GTF2IRD1: variants seen among roughly 807,000 people sequenced by gnomAD.
GTF2IRD1 encodes the protein GTF2I repeat domain containing 1, also known as general transcription factor II-I repeat domain-containing protein 1.
In GTF2IRD1, 26 loss-of-function variants were observed where a neutral mutation model predicts 113.2. That is an observed-to-expected ratio of 0.23 (90% CI 0.17 to 0.32). The LOEUF is 0.32. Ranked by LOEUF, GTF2IRD1 falls within the 10% of genes least tolerant of loss-of-function variation. GTF2IRD1 has a pLI of 1.00. For missense variants in GTF2IRD1, 864 were observed against 1,280.8 expected, an observed-to-expected ratio of 0.67 and a Z score of 4.97; for synonymous variants, 484 against 529.1, an observed-to-expected ratio of 0.91 and a Z score of 1.17.
At chr7:74,532,641 G>A (rs1798032698) in intron 9 of GTF2IRD1, among the ~76,000 whole-genome samples, 1 of 152,058 alleles carries the variant, frequency 6.6e-6, no homozygotes, top group Non-Finnish European at 1.5e-5. Context: ...AAGGAAGCCA[G>A]TTTTCCCCCA....
At chr7:74,510,363 A>G (rs1796552909) in intron 2 of GTF2IRD1, among the ~76,000 whole-genome samples, 1 of 150,200 alleles carries the variant, frequency 6.7e-6, no homozygotes. Flanking sequence ...CTGGAGTGCA[A>G]TGGCGCGATC....
At chr7:74,485,710 G>A (rs1794982841) in intron 1 of GTF2IRD1, among the ~76,000 whole-genome samples, 1 of 151,934 alleles carries the variant, frequency 6.6e-6, no homozygotes, top group Non-Finnish European at 1.5e-5. Flanking sequence ...TCACTTGAGG[G>A]CAGGAGTTTG....
chr7:74,466,001 C>A (rs1270884622), intron 1 of GTF2IRD1, among the ~76,000 whole-genome samples: 1 of 152,188 alleles, frequency 6.6e-6, no homozygotes, highest in African/African-American at 2.4e-5. Flanking sequence ...GAACTCCTGG[C>A]CTCAAGTGAT....
At position 74,526,641 on chromosome 7, in the gene GTF2IRD1, G is replaced by A. The variant is rs1022722978; in HGVS notation, c.1090+2487G>A. Among the ~76,000 whole-genome samples the A allele has an allele frequency of 3.6e-4, 55 of 152,208 alleles. 2 individuals are homozygous for A. The highest frequency in any genetic ancestry group is 2.1e-4 in the South Asian group (1 of 4,830). On this transcript the variant is annotated intron_variant, in intron 8 of 26. Coordinates refer to ENST00000424337, the MANE Select transcript of GTF2IRD1 (RefSeq NM_005685.4). ...GGCAGCCCCTTCCCAAGGGGCAACA[G>A]CAGGGTTCGGGGGTTGGCCCTCTGT...
In GTF2IRD1 at chr7:74,562,457, A is replaced by C. The variant is rs141378925; in HGVS notation, c.2320+2802A>C. ...CTGAGCCTTCACTTCCTTACCGCCAAGATGGACAAGCACACCTGCCTCACC... is the reference window on the plus strand; with the variant it reads ...CTGAGCCTTCACTTCCTTACCGCCACGATGGACAAGCACACCTGCCTCACC... On this transcript the variant is annotated intron_variant, in intron 22 of 26. Coordinates refer to ENST00000424337, the MANE Select transcript of GTF2IRD1 (RefSeq NM_005685.4). 3.6e-3 allele frequency among the ~76,000 whole-genome samples: 547 copies of C among 151,790 alleles called. 3 individuals are homozygous for C. Among genetic ancestry groups the C allele is most frequent in the African/African-American group, 0.013 (520 of 41,382 alleles).
chr7:74,462,606 C>T (rs1047982356), intron 1 of GTF2IRD1, among the ~76,000 whole-genome samples: 6 of 152,204 alleles, frequency 3.9e-5, no homozygotes, highest in Non-Finnish European at 7.3e-5. Context: ...CCGGCTTGGC[C>T]GGCCCTGCAT....
intron 22 of GTF2IRD1, among the ~76,000 whole-genome samples, chr7:74,563,409 C>T (rs1800098738): frequency 6.6e-6 from 1 of 151,746 alleles, no homozygotes; most frequent in Non-Finnish European, 1.5e-5. Flanking sequence ...GAAACCCCGT[C>T]TCTACTAAAA....
chr7:74,496,019 C>CGTGTGT (rs144413303), intron 1 of GTF2IRD1, among the ~76,000 whole-genome samples: 2 of 151,670 alleles, frequency 1.3e-5, no homozygotes, highest in African/African-American at 2.4e-5. Flanking sequence ...CTTGGACTAG[C>CGTGTGT]GTGTGTGTGA....
chr7:74,478,257 G>A (rs990887495), intron 1 of GTF2IRD1, among the ~76,000 whole-genome samples: 10 of 152,202 alleles, frequency 6.6e-5, no homozygotes, highest in African/African-American at 2.4e-4. Flanking sequence ...GTCAGGGGTG[G>A]ACAGCAGCTC....
intron 22 of GTF2IRD1, among the ~76,000 whole-genome samples, chr7:74,575,523 G>T (rs782188721): frequency 4.6e-5 from 7 of 152,332 alleles, no homozygotes; most frequent in Non-Finnish European, 1.0e-4. Context: ...GACAGACAAG[G>T]GTGGAGAGAC....
intron 17 of GTF2IRD1, among the ~76,000 whole-genome samples, chr7:74,551,227 G>A (rs1209687393): frequency 1.3e-5 from 2 of 151,904 alleles, no homozygotes; most frequent in Non-Finnish European, 2.9e-5. Flanking sequence ...CCTGTAGTCC[G>A]AGCTCCTCGG....
chr7:74,479,105 C>T (rs1241257326), intron 1 of GTF2IRD1, among the ~76,000 whole-genome samples: 2 of 152,134 alleles, frequency 1.3e-5, no homozygotes, highest in African/African-American at 4.8e-5. Flanking sequence ...CTGTCTCTGG[C>T]CTGGGCTGTC....
intron 1 of GTF2IRD1, among the ~76,000 whole-genome samples, chr7:74,460,898 G>C (rs182944213): frequency 4.4e-4 from 67 of 152,298 alleles, no homozygotes; most frequent in Admixed American, 3.3e-3. Flanking sequence ...GGAGGCTGCT[G>C]GGAATTCCTG....
At chr7:74,470,440 C>T (rs1440613433) in intron 1 of GTF2IRD1, among the ~76,000 whole-genome samples, 1 of 152,170 alleles carries the variant, frequency 6.6e-6, no homozygotes, top group Non-Finnish European at 1.5e-5. Flanking sequence ...ACCCCCCACT[C>T]CAGCCCCTGG....
chr7:74,459,632 C>G (rs1367980389), intron 1 of GTF2IRD1, among the ~76,000 whole-genome samples: 1 of 152,148 alleles, frequency 6.6e-6, no homozygotes, highest in Non-Finnish European at 1.5e-5. Flanking sequence ...CACCCTCTTT[C>G]AGGACCACCT....
At chr7:74,464,807 C>G (rs1793608022) in intron 1 of GTF2IRD1, among the ~76,000 whole-genome samples, 1 of 152,162 alleles carries the variant, frequency 6.6e-6, no homozygotes, top group Admixed American at 6.6e-5. Flanking sequence ...TGGCCCCTCT[C>G]TAATGAAGGT....
intron 22 of GTF2IRD1, among the ~76,000 whole-genome samples, chr7:74,576,989 T>C (rs1182184663): frequency 1.3e-5 from 2 of 152,016 alleles, no homozygotes; most frequent in Non-Finnish European, 2.9e-5. Context: ...ACAGAAGAGC[T>C]CAGATTCTCT....
intron 25 of GTF2IRD1, among the ~76,000 whole-genome samples, chr7:74,600,433 G>A (rs1802682309): frequency 6.6e-6 from 1 of 152,046 alleles, no homozygotes; most frequent in Admixed American, 6.6e-5. Context: ...TATAGGCCAG[G>A]TTCGATGGCT....
intron 1 of GTF2IRD1, among the ~76,000 whole-genome samples, chr7:74,496,657 T>C (rs574808159): frequency 4.0e-5 from 6 of 151,556 alleles, no homozygotes; most frequent in African/African-American, 1.5e-4. Context: ...TGTGGGTGTG[T>C]GTGTGAGTGT....
Sources: gnomAD v4.1 joint callset for allele counts (sites outside exome capture counted in the v4.1 genomes callset) on GRCh38, gnomAD v4.1.1 for gene constraint, MANE v1.5 for transcripts, NCBI Gene and HGNC (gene_info 2026-07-23, HGNC 2026-07-21) for gene names.